PCDH15: variants seen among roughly 807,000 people sequenced by gnomAD.
PCDH15 encodes the protein protocadherin-15.
A neutral mutation model predicts 178.5 loss-of-function variants in PCDH15; 129 were observed. The observed-to-expected ratio is 0.72, with a 90% CI of 0.63 to 0.84. The LOEUF (loss-of-function observed/expected upper bound fraction) is 0.84, where lower values mean the gene tolerates loss of function less well. PCDH15 is among the 40% of genes least tolerant of loss of function. The pLI is 0.00. For synonymous variants in PCDH15, 800 were observed against 732.0 expected, an observed-to-expected ratio of 1.09 and a Z score of -1.50; for missense variants, 2,230 against 2,099.9, an observed-to-expected ratio of 1.06 and a Z score of -1.21.
intron 3 of PCDH15, among the ~76,000 whole-genome samples, chr10:54,410,162 G>A (rs1953282452): frequency 6.6e-6 from 1 of 152,106 alleles, no homozygotes; most frequent in Non-Finnish European, 1.5e-5. Context: ...GGGCTGGGTT[G>A]ATAATAAGGC....
At chr10:55,207,979 C>A (rs1024033781) in intron 1 of PCDH15, among the ~76,000 whole-genome samples, 2 of 151,940 alleles carry the variant, frequency 1.3e-5, no homozygotes, top group African/African-American at 2.4e-5. Context: ...AAAAAACAAA[C>A]AAACAAACAA....
At chr10:55,381,111 T>C (rs1837523754) in intron 2 of PCDH15, among the ~76,000 whole-genome samples, 1 of 152,102 alleles carries the variant, frequency 6.6e-6, no homozygotes, top group Non-Finnish European at 1.5e-5. Context: ...CTTTGGTTGT[T>C]GGTTGTTTAC....
chr10:54,604,287 G>A (rs772344417), intron 2 of PCDH15, among the ~76,000 whole-genome samples: 15 of 151,760 alleles, frequency 9.9e-5, no homozygotes, highest in Admixed American at 2.6e-4. Flanking sequence ...ATGTCTGTTA[G>A]GTTAATTTGG....
chr10:54,380,705 CATATATATATATATATAT>C (rs58171476), intron 3 of PCDH15, among the ~76,000 whole-genome samples: 1 of 49,006 alleles, frequency 2.0e-5, no homozygotes, highest in Non-Finnish European at 3.5e-5. Context: ...ATATATGCTC[CATATATATATATATATAT>C]ATATATATAT....
chr10:54,407,974 G>A, intron 3 of PCDH15, among the ~76,000 whole-genome samples: 1 of 149,342 alleles, frequency 6.7e-6, no homozygotes. Context: ...AGAATCACTT[G>A]AACCCGGGAG....
chr10:55,441,652 A>T (rs1315065852), intron 2 of PCDH15, among the ~76,000 whole-genome samples: 1 of 152,194 alleles, frequency 6.6e-6, no homozygotes, highest in African/African-American at 2.4e-5. Flanking sequence ...GAAACAAGAT[A>T]ATCCTAACAA....
chr10:54,589,509 CTTTG>C (rs1266288310), intron 2 of PCDH15, among the ~76,000 whole-genome samples: 26 of 151,972 alleles, frequency 1.7e-4, no homozygotes, highest in African/African-American at 5.8e-4. Flanking sequence ...TATATGAACT[CTTTG>C]TTTATTAACT....
intron 3 of PCDH15, among the ~76,000 whole-genome samples, chr10:54,450,528 T>C (rs527840570): frequency 2.6e-5 from 4 of 151,938 alleles, no homozygotes; most frequent in African/African-American, 9.6e-5. Flanking sequence ...TAATAAAATT[T>C]CTAAAGCAGG....
intron 3 of PCDH15, among the ~76,000 whole-genome samples, chr10:54,865,585 C>A (rs181825549): frequency 8.0e-4 from 122 of 152,202 alleles, no homozygotes; most frequent in African/African-American, 2.8e-3. Context: ...CCCCGGGATC[C>A]AATCACCTGC....
At chr10:55,068,697 A>G (rs1018434496) in intron 2 of PCDH15, among the ~76,000 whole-genome samples, 1 of 152,042 alleles carries the variant, frequency 6.6e-6, no homozygotes, top group African/African-American at 2.4e-5. Flanking sequence ...GGTCATTTTA[A>G]TATTAATTCT....
At chr10:54,913,236 G>T (rs2220387) in intron 2 of PCDH15, among the ~76,000 whole-genome samples, 1 of 152,234 alleles carries the variant, frequency 6.6e-6, no homozygotes, top group East Asian at 1.9e-4. Context: ...TCCCATCACA[G>T]GCCCTGAGGT....
chr10:55,510,038 A>G (rs368957123), intron 2 of PCDH15, among the ~76,000 whole-genome samples: 1 of 152,068 alleles, frequency 6.6e-6, no homozygotes, highest in East Asian at 1.9e-4. Flanking sequence ...ATCTTCCACT[A>G]TGACTTTTGC....
chr10:54,601,946 C>T (rs1173063285), intron 2 of PCDH15, among the ~76,000 whole-genome samples: 1 of 151,840 alleles, frequency 6.6e-6, no homozygotes, highest in Non-Finnish European at 1.5e-5. Flanking sequence ...AACACATGGA[C>T]ACAAAGACAG....
intron 4 of PCDH15, among the ~76,000 whole-genome samples, chr10:54,374,700 CA>C (rs150382628): frequency 0.15 from 22,040 of 150,676 alleles, 1,808 homozygotes; most frequent in Middle Eastern, 0.22. Flanking sequence ...CTTTAGTGAA[CA>C]AAAAAATAAA....
At chr10:53,808,219 T>C (rs549674650) in intron 37 of PCDH15, 17 of 175,274 alleles carry the variant, frequency 9.7e-5, no homozygotes, top group African/African-American at 3.8e-4. Flanking sequence ...CCTTTGCCAG[T>C]TGAAACGTAC....
At chr10:54,518,047 G>A (rs545364719) in intron 3 of PCDH15, among the ~76,000 whole-genome samples, 2 of 152,248 alleles carry the variant, frequency 1.3e-5, no homozygotes, top group East Asian at 3.9e-4. Context: ...GAATCTCTGG[G>A]ACACATTCAA....
intron 2 of PCDH15, among the ~76,000 whole-genome samples, chr10:55,469,437 G>A (rs1439770306): frequency 6.6e-6 from 1 of 151,930 alleles, no homozygotes; most frequent in African/African-American, 2.4e-5. Context: ...AATTTTTATA[G>A]AAATACATTT....
At chr10:53,983,300 C>T (rs1238052609) in intron 21 of PCDH15, among the ~76,000 whole-genome samples, 1 of 149,634 alleles carries the variant, frequency 6.7e-6, no homozygotes. Flanking sequence ...AGGCATGTGA[C>T]TTAGTCATAT....
intron 2 of PCDH15, among the ~76,000 whole-genome samples, chr10:55,477,592 A>T (rs1377366089): frequency 6.6e-6 from 1 of 151,956 alleles, no homozygotes; most frequent in Non-Finnish European, 1.5e-5. Context: ...TGCATGGTAG[A>T]AACAAAGTGC....
Sources: gnomAD v4.1 joint callset for allele counts (sites outside exome capture counted in the v4.1 genomes callset) on GRCh38, gnomAD v4.1.1 for gene constraint, MANE v1.5 for transcripts, NCBI Gene and HGNC (gene_info 2026-07-23, HGNC 2026-07-21) for gene names.